The following RFX3 variants were observed in gnomAD, a reference collection of about 807,000 sequenced individuals.
RFX3 encodes regulatory factor X3.
In RFX3, 14 loss-of-function variants were observed where a neutral mutation model predicts 98.6. The observed-to-expected ratio is 0.14, with a 90% confidence interval of 0.09 to 0.22. RFX3 has a LOEUF of 0.22. Ranked by LOEUF, RFX3 falls within the 10% of genes least tolerant of loss-of-function variation. RFX3 has a pLI of 1.00. For synonymous variants in RFX3, 383 were observed against 328.4 expected (o/e 1.17, Z -1.80); for missense variants, 639 against 926.9 (o/e 0.69, Z 4.03).
At chr9:3,513,879 A>C (rs1817884204) in intron 1 of RFX3, among the ~76,000 whole-genome samples, 1 of 152,204 alleles carries the variant, frequency 6.6e-6, no homozygotes, top group African/African-American at 2.4e-5. Context: ...CTGAAATATA[A>C]ACCCACAACT....
intron 1 of RFX3, among the ~76,000 whole-genome samples, chr9:3,449,963 A>G (rs954974561): frequency 2.0e-5 from 3 of 152,070 alleles, no homozygotes; most frequent in African/African-American, 7.2e-5. Context: ...CCAGGATAAA[A>G]ACATTTGGTT....
At chr9:3,521,024 G>T (rs1564201801) in intron 1 of RFX3, among the ~76,000 whole-genome samples, 1 of 152,074 alleles carries the variant, frequency 6.6e-6, no homozygotes, top group Non-Finnish European at 1.5e-5. Context: ...GAATTAGCCT[G>T]ATAACCACTA....
chr9:3,423,748 G>T (rs115242591), intron 1 of RFX3, among the ~76,000 whole-genome samples: 5,594 of 134,276 alleles, frequency 0.042, 406 homozygotes, highest in African/African-American at 0.14. Flanking sequence ...TTTTAAAAGG[G>T]TATATTTCAT....
chr9:3,511,984 T>C (rs1234574509), intron 1 of RFX3, among the ~76,000 whole-genome samples: 1 of 152,114 alleles, frequency 6.6e-6, no homozygotes, highest in Non-Finnish European at 1.5e-5. Context: ...AAATGGTAAA[T>C]GCTTAAGGTG....
chr9:3,307,816 C>A (rs1829506078), intron 4 of RFX3, among the ~76,000 whole-genome samples: 1 of 152,202 alleles, frequency 6.6e-6, no homozygotes, highest in Non-Finnish European at 1.5e-5. Context: ...GGCCTTGTGA[C>A]AACCTAAGTT....
intron 3 of RFX3, among the ~76,000 whole-genome samples, chr9:3,338,265 C>T (rs1207279930): frequency 6.6e-6 from 1 of 152,192 alleles, no homozygotes; most frequent in Non-Finnish European, 1.5e-5. Flanking sequence ...CTTATTTCTT[C>T]TAACTTCATC....
intron 2 of RFX3, among the ~76,000 whole-genome samples, chr9:3,357,113 T>C (rs574169223): frequency 1.3e-5 from 2 of 152,078 alleles, no homozygotes; most frequent in East Asian, 3.9e-4. Flanking sequence ...AAATACTCAC[T>C]TTTTTCATAA....
At chr9:3,254,403 T>C (rs1035127220) in intron 14 of RFX3, among the ~76,000 whole-genome samples, 1 of 152,166 alleles carries the variant, frequency 6.6e-6, no homozygotes, top group Non-Finnish European at 1.5e-5. Context: ...TTTGGTCATA[T>C]AAGTTTTGGA....
chr9:3,337,428 C>T (rs1415420855), intron 3 of RFX3, among the ~76,000 whole-genome samples: 3 of 152,182 alleles, frequency 2.0e-5, no homozygotes, highest in East Asian at 1.9e-4. Flanking sequence ...CAGGTACTGG[C>T]TTTTCCAACC....
intron 9 of RFX3, among the ~76,000 whole-genome samples, chr9:3,275,013 G>A (rs192762210): frequency 9.2e-5 from 14 of 151,626 alleles, no homozygotes; most frequent in Admixed American, 3.3e-4. Context: ...TTTAAATCTC[G>A]AAGTGATCCA....
At chr9:3,498,965 CTT>C (rs916551161) in intron 1 of RFX3, among the ~76,000 whole-genome samples, 7 of 152,076 alleles carry the variant, frequency 4.6e-5, no homozygotes, top group Non-Finnish European at 1.0e-4. Flanking sequence ...GGGCTTAATA[CTT>C]TTCAGGAGTG....
At position 3,333,242 on chromosome 9, in the gene RFX3, G is replaced by T. The variant is rs536644862; in HGVS notation, c.216-2725C>A. On this transcript the variant is annotated intron_variant, in intron 3 of 16. Transcript: ENST00000617270. ...TATGCTAAACTACTCCAAGATTTTT[G>T]ATTAATTTAAAACAAATACTTTTAA... Among the ~76,000 whole-genome samples, 10 of 152,114 alleles carry T rather than the reference G, an allele frequency of 6.6e-5. No homozygotes were observed. The South Asian group carries it at 2.1e-3, about 32-fold the overall frequency.
At chr9:3,367,279 G>A (rs1837321614) in intron 2 of RFX3, among the ~76,000 whole-genome samples, 1 of 152,076 alleles carries the variant, frequency 6.6e-6, no homozygotes, top group Admixed American at 6.6e-5. Flanking sequence ...GGCTACAAGA[G>A]AAGTCAAGCA....
chr9:3,447,099 T>C (rs1202782665), intron 1 of RFX3, among the ~76,000 whole-genome samples: 2 of 152,122 alleles, frequency 1.3e-5, no homozygotes, highest in African/African-American at 2.4e-5. Context: ...GCCTTATACA[T>C]GTAGGTTAAA....
chr9:3,318,394 G>C (rs1231022573), intron 4 of RFX3, among the ~76,000 whole-genome samples: 2 of 152,078 alleles, frequency 1.3e-5, no homozygotes, highest in Non-Finnish European at 2.9e-5. Flanking sequence ...AGCGGGGAGG[G>C]ATAGCATTAG....
chr9:3,525,854 TG>T lies in RFX3; in HGVS notation c.-117del, dbSNP rs1819232122. Reference sequence around the variant, plus strand: ...GGAGGAGAGGAGTAGTTGTTGTTGATGGGTAACAGTCGCCAGGACTACGGTG... The same window carrying T: ...GGAGGAGAGGAGTAGTTGTTGTTGATGGTAACAGTCGCCAGGACTACGGTG... On this transcript the variant is annotated 5_prime_UTR_variant, in exon 1 of 17. Transcript: ENST00000617270. 1.0e-6 allele frequency: 1 copy of T among 984,562 alleles called. No individual in the cohort carries two copies. The highest frequency in any genetic ancestry group is 1.2e-6 in the Non-Finnish European group (1 of 829,378). The allele number at this position is 984,562 out of a possible 1,614,324, so 61.0% of individuals were successfully genotyped here.
chr9:3,363,784 C>G (rs1836742948), intron 2 of RFX3, among the ~76,000 whole-genome samples: 1 of 152,200 alleles, frequency 6.6e-6, no homozygotes, highest in African/African-American at 2.4e-5. Context: ...GAATTCCTCC[C>G]ACAATACCAG....
chr9:3,521,339 AGTTAGGTTCTGAT>A (rs780405931), intron 1 of RFX3, among the ~76,000 whole-genome samples: 116 of 152,324 alleles, frequency 7.6e-4, no homozygotes, highest in South Asian at 4.8e-3. Flanking sequence ...TAGTACACGA[AGTTAGGTTCTGAT>A]GTAAAACTGC....
At chr9:3,408,962 T>C (rs1011068493) in intron 1 of RFX3, among the ~76,000 whole-genome samples, 1 of 152,236 alleles carries the variant, frequency 6.6e-6, no homozygotes, top group African/African-American at 2.4e-5. Flanking sequence ...AACTTGTTTC[T>C]TTTAACCATT....
Sources: gnomAD v4.1 joint callset for allele counts (sites outside exome capture counted in the v4.1 genomes callset) on GRCh38, gnomAD v4.1.1 for gene constraint, MANE v1.5 for transcripts, NCBI Gene and HGNC (gene_info 2026-07-23, HGNC 2026-07-21) for gene names.